Variants in AFF3 observed in about 807,000 individuals in gnomAD.
The protein encoded by AFF3 is ALF transcription elongation factor 3, also known as AF4/FMR2 family member 3.
A neutral mutation model predicts 129.7 loss-of-function variants in AFF3; 32 were observed. The ratio of observed to expected loss-of-function variants is 0.25; its 90% CI spans 0.19 to 0.33. AFF3 has a LOEUF of 0.33. Ranked by LOEUF, AFF3 falls within the 10% of genes least tolerant of loss-of-function variation. The probability of loss-of-function intolerance (pLI) is 1.00; values close to 1 mark genes in which losing one functional copy is unlikely to be tolerated. For synonymous variants in AFF3, 644 were observed against 635.4 expected (o/e 1.01, Z -0.20); for missense variants, 1,373 against 1,592.0 (o/e 0.86, Z 2.34).
Position 99,568,854 on chromosome 2 carries a change from T to C in AFF3, c.2980A>G (p.Met994Val), listed in dbSNP as rs1676221399. The change falls in exon 19 of 25, where the codon ATG (methionine) becomes GTG (valine). Residue 994 changes from methionine to valine, a missense_variant and splice_region_variant. Physicochemically the swap from Met to Val is conservative, Grantham distance 21. Around this residue, in one of 9 missense-constraint regions of AFF3, gnomAD observed 65 missense variants for 102.1 expected, o/e 0.64. Transcript: ENST00000672756. ...AKRMKHKADAMVEKFGKALNY... is the reference protein window; with the variant it reads ...AKRMKHKADAVVEKFGKALNY... ...ATCTGGAAAGAAAAGGGTCTCACCA[T>C]TGCATCTGCTTTATGCTTCATTCGT... 2 of 1,613,974 alleles carry C rather than the reference T, an allele frequency of 1.2e-6. No homozygotes were observed. The highest frequency in any genetic ancestry group is 1.7e-6 in the Non-Finnish European group (2 of 1,179,946).
At chr2:100,071,163 C>T (rs1434763316) in intron 4 of AFF3, among the ~76,000 whole-genome samples, 1 of 152,144 alleles carries the variant, frequency 6.6e-6, no homozygotes, top group Non-Finnish European at 1.5e-5. Context: ...TTTAATGCTA[C>T]ATTTCTTCTT....
At chr2:99,867,126 C>T (rs1691479448) in intron 7 of AFF3, among the ~76,000 whole-genome samples, 2 of 151,970 alleles carry the variant, frequency 1.3e-5, no homozygotes, top group African/African-American at 4.8e-5. Context: ...AGTTTCAACA[C>T]CTTAACAAAG....
At chr2:99,946,348 C>A (rs1398478406) in intron 7 of AFF3, among the ~76,000 whole-genome samples, 1 of 151,720 alleles carries the variant, frequency 6.6e-6, no homozygotes, top group Non-Finnish European at 1.5e-5. Flanking sequence ...TGGGTGGACG[C>A]CTGTAATCTC....
chr2:99,975,876 AAAAAAAG>A (rs1461885134), intron 7 of AFF3, among the ~76,000 whole-genome samples: 24 of 150,336 alleles, frequency 1.6e-4, no homozygotes, highest in South Asian at 4.2e-4. Flanking sequence ...ATGAAAAAAA[AAAAAAAG>A]AAAAAAGAAA....
At chr2:99,705,519 T>G (rs1251134899) in intron 11 of AFF3, among the ~76,000 whole-genome samples, 4 of 151,912 alleles carry the variant, frequency 2.6e-5, no homozygotes, top group Admixed American at 2.6e-4. Flanking sequence ...AAATAGAAAT[T>G]TAGGATGCTG....
chr2:99,613,200 T>C (rs1285896344), intron 13 of AFF3, among the ~76,000 whole-genome samples: 1 of 152,170 alleles, frequency 6.6e-6, no homozygotes, highest in African/African-American at 2.4e-5. Flanking sequence ...TATTTTACAT[T>C]TTGGGGGAGA....
rs574584676 is a variant in AFF3, at chr2:99,999,548, C to T, written c.873+7084G>A. Among the ~76,000 whole-genome samples the T allele has an allele frequency of 3.9e-5, 6 of 152,328 alleles. No individual in the cohort carries two copies. In the South Asian group the frequency reaches 1.2e-3, roughly 32 times the overall value. On this transcript the variant is annotated intron_variant, in intron 7 of 24. Coordinates refer to ENST00000672756, the MANE Select transcript of AFF3 (RefSeq NM_001386135.1). ...ATAATCTAGTGAAATTCATCCACCTCTCTTCAATTTCTACATTCAGAGCTG... is the reference window on the plus strand; with the variant it reads ...ATAATCTAGTGAAATTCATCCACCTTTCTTCAATTTCTACATTCAGAGCTG...
chr2:100,060,911 C>T (rs1198572065), intron 4 of AFF3, among the ~76,000 whole-genome samples: 1 of 152,206 alleles, frequency 6.6e-6, no homozygotes, highest in Non-Finnish European at 1.5e-5. Context: ...CTGGCCTGGT[C>T]AGTGACACTT....
At chr2:100,060,443 C>T (rs888725725) in intron 4 of AFF3, among the ~76,000 whole-genome samples, 8 of 152,264 alleles carry the variant, frequency 5.3e-5, no homozygotes, top group African/African-American at 1.7e-4. Context: ...TGCTAAGCGC[C>T]GCCTGCTTAA....
At chr2:99,805,038 T>C (rs1184167798) in intron 8 of AFF3, among the ~76,000 whole-genome samples, 1 of 152,150 alleles carries the variant, frequency 6.6e-6, no homozygotes, top group African/African-American at 2.4e-5. Flanking sequence ...CACTACACAA[T>C]GCATCTTGTA....
chr2:99,839,124 T>C (rs528046835), intron 7 of AFF3, among the ~76,000 whole-genome samples: 20 of 152,302 alleles, frequency 1.3e-4, no homozygotes, highest in African/African-American at 4.8e-4. Flanking sequence ...AACTTTTTTT[T>C]TTGAGACCGA....
At chr2:99,664,383 G>C (rs1293383767) in intron 12 of AFF3, among the ~76,000 whole-genome samples, 1 of 152,214 alleles carries the variant, frequency 6.6e-6, no homozygotes, top group Non-Finnish European at 1.5e-5. Flanking sequence ...ATTCTTGAAA[G>C]GGAAGGCTGT....
intron 8 of AFF3, among the ~76,000 whole-genome samples, chr2:99,759,943 G>A (rs1018432192): frequency 5.9e-5 from 9 of 152,104 alleles, no homozygotes; most frequent in African/African-American, 2.2e-4. Context: ...TGGACTTTAC[G>A]ATCAATCAGA....
intron 4 of AFF3, among the ~76,000 whole-genome samples, chr2:100,025,464 A>G (rs774367797): frequency 2.6e-5 from 4 of 152,164 alleles, no homozygotes; most frequent in Admixed American, 1.3e-4. Flanking sequence ...TGTTAAAATG[A>G]CCATACTGCC....
chr2:100,007,358 C>A lies in AFF3; in HGVS notation c.277G>T (p.Val93Phe). Reference sequence around the variant, plus strand: ...GGAACCCCAGGTTTGGGAACTCCAACGAGATGACTCTGATTGGATCTATCA... The same window carrying A: ...GGAACCCCAGGTTTGGGAACTCCAAAGAGATGACTCTGATTGGATCTATCA... ...LTDRSNQSHL[V>F]GVPKPGVPQT... The change falls in exon 6 of 25, where the codon GTT becomes TTT. Residue 93 changes from valine to phenylalanine, a missense_variant. Transcript: ENST00000672756. 6.2e-7 allele frequency: 1 copy of A among 1,614,054 alleles called. No individual in the cohort carries two copies. The highest frequency in any genetic ancestry group is 1.3e-5 in the African/African-American group (1 of 75,048).
chr2:99,998,977 C>A (rs2104661528), intron 7 of AFF3, among the ~76,000 whole-genome samples: 1 of 152,272 alleles, frequency 6.6e-6, no homozygotes, highest in South Asian at 2.1e-4. Context: ...CTCTGTTCCC[C>A]TCATCACCCT....
chr2:100,000,485 A>G (rs1681281254), intron 7 of AFF3, among the ~76,000 whole-genome samples: 2 of 151,398 alleles, frequency 1.3e-5, no homozygotes, highest in Non-Finnish European at 2.9e-5. Context: ...AGGAACTTGT[A>G]GAATTTCATC....
chr2:100,122,608 T>G lies in AFF3; in HGVS notation c.-145+6616A>C, dbSNP rs1049566093. Reference sequence around the variant, plus strand: ...ACATATGAGACCCTGAATTGGAAAATGACATGCCTGAGAGTCATGGCCCAG... The same window carrying G: ...ACATATGAGACCCTGAATTGGAAAAGGACATGCCTGAGAGTCATGGCCCAG... On this transcript the variant is annotated intron_variant, in intron 2 of 24. Transcript: ENST00000672756. Among the ~76,000 whole-genome samples the G allele has an allele frequency of 1.2e-4, 18 of 152,266 alleles. 1 individual carries two copies. Among genetic ancestry groups the G allele is most frequent in the Middle Eastern group, 3.4e-3 (1 of 294 alleles).
At chr2:99,673,141 T>G (rs1256297576) in intron 11 of AFF3, among the ~76,000 whole-genome samples, 1 of 152,066 alleles carries the variant, frequency 6.6e-6, no homozygotes, top group African/African-American at 2.4e-5. Context: ...AAGCTCCCAG[T>G]GCTGGGCTGT....
Sources: gnomAD v4.1 joint callset for allele counts (sites outside exome capture counted in the v4.1 genomes callset) on GRCh38, gnomAD v4.1.1 for gene constraint, gnomAD v4.1.1 regional missense constraint, MANE v1.5 for transcripts, NCBI Gene and HGNC (gene_info 2026-07-23, HGNC 2026-07-21) for gene names.